IMMP2L: variants seen among roughly 807,000 people sequenced by gnomAD.
The protein encoded by IMMP2L is mitochondrial inner membrane protease subunit 2.
Under a neutral mutation model 19.3 loss-of-function variants are expected in IMMP2L, and 18 were observed. The observed-to-expected ratio is 0.93, with a 90% confidence interval of 0.64 to 1.38. The LOEUF (loss-of-function observed/expected upper bound fraction) is 1.38, where lower values mean the gene tolerates loss of function less well. Ranked by LOEUF, IMMP2L falls within the 40% of genes most tolerant of loss-of-function variation. The probability of loss-of-function intolerance (pLI) is 0.00; values close to 1 mark genes in which losing one functional copy is unlikely to be tolerated. For missense variants in IMMP2L, 233 were observed against 218.2 expected, an observed-to-expected ratio of 1.07 and a Z score of -0.43; for synonymous variants, 76 against 73.0, an observed-to-expected ratio of 1.04 and a Z score of -0.21.
At chr7:111,035,422 A>G (rs2129569738) in intron 3 of IMMP2L, among the ~76,000 whole-genome samples, 1 of 152,348 alleles carries the variant, frequency 6.6e-6, no homozygotes, top group African/African-American at 2.4e-5. Flanking sequence ...GTAGTTAAGT[A>G]CAGATGCTTT....
At chr7:111,556,533 T>C (rs927773545) in intron 1 of IMMP2L, among the ~76,000 whole-genome samples, 6 of 152,032 alleles carry the variant, frequency 3.9e-5, no homozygotes, top group Non-Finnish European at 8.8e-5. Context: ...TTCAGCCTCA[T>C]CTCCTATTCA....
In IMMP2L at chr7:111,527,584, T is replaced by C. The variant is rs537136207; in HGVS notation, c.-2-6135A>G. Among the ~76,000 whole-genome samples the C allele has an allele frequency of 2.0e-5, 3 of 152,254 alleles. No homozygotes were observed. The South Asian group carries it at 6.2e-4, about 32-fold the overall frequency. On this transcript the variant is annotated intron_variant, in intron 1 of 5. Transcript: ENST00000405709. ...AAGAAAAAGTGAGTTGCCTTTATGG[T>C]TTGAGACTTTTTTAAGTATTGAAAA... is the stretch of plus-strand genomic sequence containing the variant.
intron 4 of IMMP2L, among the ~76,000 whole-genome samples, chr7:110,923,179 C>T (rs1487730740): frequency 6.6e-6 from 1 of 152,128 alleles, no homozygotes; most frequent in African/African-American, 2.4e-5. Flanking sequence ...ATTCATGAAT[C>T]AGCTTTCAGT....
chr7:111,480,952 A>C (rs2132203734), intron 3 of IMMP2L, among the ~76,000 whole-genome samples: 1 of 152,272 alleles, frequency 6.6e-6, no homozygotes, highest in East Asian at 1.9e-4. Flanking sequence ...CAAGCACTCA[A>C]GACACAAAGC....
intron 3 of IMMP2L, among the ~76,000 whole-genome samples, chr7:111,389,007 C>T (rs1002980401): frequency 2.6e-5 from 4 of 152,086 alleles, no homozygotes; most frequent in Admixed American, 2.0e-4. Flanking sequence ...CAATCTTAGA[C>T]CCAGTAGCAA....
chr7:111,067,285 G>A (rs1004637019), intron 3 of IMMP2L, among the ~76,000 whole-genome samples: 3 of 152,200 alleles, frequency 2.0e-5, no homozygotes, highest in South Asian at 4.1e-4. Flanking sequence ...GTTGGGAACT[G>A]TTCTCTCTAA....
At position 111,367,120 on chromosome 7, in the gene IMMP2L, C is replaced by T. The variant is rs952648554; in HGVS notation, c.239+120118G>A. On this transcript the variant is annotated intron_variant, in intron 3 of 5. Transcript: ENST00000405709. ...CAGAAGAATATGCTGACAGTGTTCT[C>T]GGTGACACTTGTGGCTGTTCCTCTT... Among the ~76,000 whole-genome samples the T allele has an allele frequency of 7.3e-5, 11 of 151,426 alleles. No homozygotes were observed. In the East Asian group the frequency reaches 1.4e-3, roughly 19 times the overall value.
intron 5 of IMMP2L, among the ~76,000 whole-genome samples, chr7:110,673,315 A>G (rs1281682110): frequency 2.0e-5 from 3 of 152,204 alleles, no homozygotes; most frequent in East Asian, 1.9e-4. Flanking sequence ...GAGGCTGCTT[A>G]GAGCAGGTAG....
At position 111,016,805 on chromosome 7, in the gene IMMP2L, TATAC is replaced by T. The variant is rs1563162946; in HGVS notation, c.240-53244_240-53241del. Among the ~76,000 whole-genome samples, 4 of 51,738 alleles carry T rather than the reference TATAC, an allele frequency of 7.7e-5. No homozygotes were observed. The East Asian group carries it at 6.4e-3, about 82-fold the overall frequency. 33.9% of individuals were successfully genotyped at this position (51,738 alleles called of 152,430 possible). The stretch of plus-strand genomic sequence containing the variant: ...AATATATACTATATAATATATAATA[TATAC>T]TATATATTATATATAATATATAGTA... On this transcript the variant is annotated intron_variant, in intron 3 of 5. Transcript: ENST00000405709.
chr7:111,181,252 A>G (rs1001645062), intron 3 of IMMP2L, among the ~76,000 whole-genome samples: 2 of 152,038 alleles, frequency 1.3e-5, no homozygotes, highest in African/African-American at 4.8e-5. Flanking sequence ...ATATAGCAAT[A>G]TCTTCATGTG....
chr7:110,666,292 T>C (rs1791448866), intron 5 of IMMP2L, among the ~76,000 whole-genome samples: 1 of 152,040 alleles, frequency 6.6e-6, no homozygotes, highest in Non-Finnish European at 1.5e-5. Context: ...TGTTTGCTTT[T>C]GAGACAGAGT....
intron 5 of IMMP2L, among the ~76,000 whole-genome samples, chr7:110,670,121 C>T (rs951306424): frequency 6.6e-6 from 1 of 152,018 alleles, no homozygotes; most frequent in African/African-American, 2.4e-5. Context: ...CTGAAGGCAA[C>T]CGGATTAGTG....
At position 111,134,337 on chromosome 7, in the gene IMMP2L, G is replaced by C. The variant is rs1802132485; in HGVS notation, c.240-170772C>G. On this transcript the variant is annotated intron_variant, in intron 3 of 5. Coordinates refer to ENST00000405709, the MANE Select transcript of IMMP2L (RefSeq NM_032549.4). Reference sequence around the variant, plus strand: ...CTATTATGTTTCCAATTGGAACGTTGAACTCAAAACTTAAAGAAAGAGTAT... The same window carrying C: ...CTATTATGTTTCCAATTGGAACGTTCAACTCAAAACTTAAAGAAAGAGTAT... Among the ~76,000 whole-genome samples, 3 of 151,900 alleles carry C rather than the reference G, an allele frequency of 2.0e-5. No homozygotes were observed. The South Asian group carries it at 6.2e-4, about 32-fold the overall frequency.
At chr7:110,666,176 T>G (rs2130261563) in intron 5 of IMMP2L, among the ~76,000 whole-genome samples, 1 of 152,298 alleles carries the variant, frequency 6.6e-6, no homozygotes, top group Middle Eastern at 3.4e-3. Flanking sequence ...CTACCTTACT[T>G]TTTGGCACTA....
intron 3 of IMMP2L, among the ~76,000 whole-genome samples, chr7:111,017,966 C>A (rs1825875816): frequency 6.6e-6 from 1 of 152,152 alleles, no homozygotes; most frequent in South Asian, 2.1e-4. Context: ...ACTTTTTGGA[C>A]AAACTGTTAG....
chr7:110,702,832 A>C (rs1584549520), intron 5 of IMMP2L, among the ~76,000 whole-genome samples: 1 of 152,154 alleles, frequency 6.6e-6, no homozygotes, highest in Admixed American at 6.5e-5. Flanking sequence ...AATATTTTCT[A>C]CATGTACAAT....
intron 3 of IMMP2L, among the ~76,000 whole-genome samples, chr7:111,009,657 G>A (rs1460845493): frequency 6.6e-6 from 1 of 151,872 alleles, no homozygotes; most frequent in Non-Finnish European, 1.5e-5. Flanking sequence ...TTTATTTTTT[G>A]TTTTTGTTTT....
intron 5 of IMMP2L, among the ~76,000 whole-genome samples, chr7:110,695,620 C>T (rs1793826588): frequency 6.6e-6 from 1 of 151,916 alleles, no homozygotes; most frequent in African/African-American, 2.4e-5. Context: ...AGCGGGAGGG[C>T]AGGGAAGGGG....
intron 3 of IMMP2L, among the ~76,000 whole-genome samples, chr7:111,396,994 AG>A (rs1832937818): frequency 1.3e-5 from 2 of 151,236 alleles, no homozygotes; most frequent in African/African-American, 4.9e-5. Flanking sequence ...AGGCTGACGC[AG>A]GAGAATGGTA....
Sources: allele counts gnomAD v4.1 joint callset (sites outside exome capture counted in the v4.1 genomes callset), GRCh38; gene constraint gnomAD v4.1.1; transcripts MANE v1.5; gene names NCBI Gene and HGNC (gene_info 2026-07-23, HGNC 2026-07-21).